The following LYN variants were observed in gnomAD, a reference collection of about 807,000 sequenced individuals.
The protein encoded by LYN is LYN proto-oncogene, Src family tyrosine kinase.
In LYN, 12 loss-of-function variants were observed where a neutral mutation model predicts 65.0. The ratio of observed to expected loss-of-function variants is 0.18; its 90% CI spans 0.12 to 0.30. The LOEUF (loss-of-function observed/expected upper bound fraction) is 0.30. LYN is among the 10% of genes least tolerant of loss of function. LYN has a pLI of 1.00. For missense variants in LYN, 380 were observed against 623.2 expected, an observed-to-expected ratio of 0.61 and a Z score of 4.16; for synonymous variants, 222 against 221.2, an observed-to-expected ratio of 1.00 and a Z score of -0.03.
chr8:55,942,462 CACAT>C (rs1262698409), intron 2 of LYN, among the ~76,000 whole-genome samples: 1 of 147,804 alleles, frequency 6.8e-6, no homozygotes, highest in African/African-American at 2.5e-5. Flanking sequence ...TATATATACA[CACAT>C]ACATACATAG....
In LYN at chr8:56,011,039, A is replaced by C. The variant is rs1585691641; in HGVS notation, c.*929A>C. 1 of 232,124 alleles carries C rather than the reference A, an allele frequency of 4.3e-6. No individual in the cohort carries two copies. The highest frequency in any genetic ancestry group is 1.8e-4 in the South Asian group (1 of 5,528). The allele number at this position is 232,124 out of a possible 1,614,324, so 14.4% of individuals were successfully genotyped here. On this transcript the variant is annotated 3_prime_UTR_variant, in exon 13 of 13. Transcript: ENST00000519728. Reference sequence around the variant, plus strand: ...ATAAGAGTTTCCTTTGTTGCTTCAAATATTTGAACATTATGTTAAAGATCA... The same window carrying C: ...ATAAGAGTTTCCTTTGTTGCTTCAACTATTTGAACATTATGTTAAAGATCA...
chr8:55,926,826 A>T (rs1482161964), intron 1 of LYN, among the ~76,000 whole-genome samples: 1 of 152,228 alleles, frequency 6.6e-6, no homozygotes, highest in African/African-American at 2.4e-5. Flanking sequence ...TATACTTTTA[A>T]AAAAATTAAT....
At chr8:55,920,739 T>A (rs1024447241) in intron 1 of LYN, among the ~76,000 whole-genome samples, 1 of 152,052 alleles carries the variant, frequency 6.6e-6, no homozygotes, top group African/African-American at 2.4e-5. Context: ...GGCATAAATC[T>A]TGGCTCACTG....
At chr8:55,999,152 A>C (rs1808451247) in intron 11 of LYN, among the ~76,000 whole-genome samples, 1 of 152,188 alleles carries the variant, frequency 6.6e-6, no homozygotes, top group Non-Finnish European at 1.5e-5. Flanking sequence ...ATATTTTTGC[A>C]GTGCTCACTG....
At chr8:55,887,004 C>T (rs1804815927) in intron 1 of LYN, among the ~76,000 whole-genome samples, 1 of 152,168 alleles carries the variant, frequency 6.6e-6, no homozygotes, top group African/African-American at 2.4e-5. Context: ...TTTTCATCCC[C>T]CCTTCCAACG....
chr8:55,965,520 A>G (rs1807426894), intron 8 of LYN, among the ~76,000 whole-genome samples: 1 of 152,236 alleles, frequency 6.6e-6, no homozygotes, highest in Non-Finnish European at 1.5e-5. Context: ...AGTAATTTTT[A>G]TAAAGAACAC....
At chr8:55,923,649 C>T (rs1274176239) in intron 1 of LYN, among the ~76,000 whole-genome samples, 1 of 152,102 alleles carries the variant, frequency 6.6e-6, no homozygotes, top group Non-Finnish European at 1.5e-5. Flanking sequence ...AAGCGATTCT[C>T]CTGCCTCGGC....
chr8:55,884,186 G>A (rs994372601), intron 1 of LYN, among the ~76,000 whole-genome samples: 19 of 152,118 alleles, frequency 1.2e-4, no homozygotes, highest in African/African-American at 3.1e-4. Context: ...GGCAATCTCC[G>A]CCTCCTGGGT....
intron 1 of LYN, among the ~76,000 whole-genome samples, chr8:55,919,375 G>A (rs1368659854): frequency 2.6e-5 from 4 of 152,030 alleles, no homozygotes; most frequent in Non-Finnish European, 5.9e-5. Context: ...AGAAGAATGA[G>A]GAACATAAAT....
intron 1 of LYN, among the ~76,000 whole-genome samples, chr8:55,911,613 T>C (rs1163756455): frequency 6.6e-6 from 1 of 151,964 alleles, no homozygotes; most frequent in Non-Finnish European, 1.5e-5. Context: ...TTTATACATA[T>C]GTGAAATTCC....
chr8:55,933,982 CT>C (rs1345282058), intron 1 of LYN, among the ~76,000 whole-genome samples: 1 of 152,172 alleles, frequency 6.6e-6, no homozygotes, highest in East Asian at 1.9e-4. Context: ...AATCCCAGCA[CT>C]TTGGGAGGCC....
At chr8:55,939,733 A>G (rs1339295225) in intron 1 of LYN, among the ~76,000 whole-genome samples, 2 of 152,132 alleles carry the variant, frequency 1.3e-5, no homozygotes, top group African/African-American at 4.8e-5. Flanking sequence ...GTAAAGCACG[A>G]TTTTAAGGGA....
At chr8:55,992,028 A>C (rs1808264555) in intron 10 of LYN, among the ~76,000 whole-genome samples, 1 of 152,192 alleles carries the variant, frequency 6.6e-6, no homozygotes, top group African/African-American at 2.4e-5. Flanking sequence ...TTTTTATTTC[A>C]GATTTCCAGT....
At chr8:55,888,469 A>G (rs1300004560) in intron 1 of LYN, among the ~76,000 whole-genome samples, 1 of 152,236 alleles carries the variant, frequency 6.6e-6, no homozygotes, top group African/African-American at 2.4e-5. Flanking sequence ...CTTCTTGCCT[A>G]CACTCTTTTA....
intron 1 of LYN, among the ~76,000 whole-genome samples, chr8:55,908,989 G>GTGTACA (rs1379592685): frequency 9.8e-5 from 2 of 20,396 alleles, no homozygotes; most frequent in Admixed American, 4.3e-4. Flanking sequence ...CATTGTGTAT[G>GTGTACA]TATATATATA....
chr8:55,972,720 AATT>A (rs906498952), intron 10 of LYN, among the ~76,000 whole-genome samples: 9 of 152,222 alleles, frequency 5.9e-5, no homozygotes, highest in Non-Finnish European at 1.2e-4. Flanking sequence ...ATGACAATAG[AATT>A]ATTATTAAAG....
In LYN at chr8:56,010,940, G is replaced by T. The variant is rs549037411; in HGVS notation, c.*830G>T. On this transcript the variant is annotated 3_prime_UTR_variant, in exon 13 of 13. Transcript: ENST00000519728. ...TCATTTCCACAATTTCCTATATCCA[G>T]ATTTGTTTTGACAATGTAGTTTGGA... is the stretch of plus-strand genomic sequence containing the variant. The T allele has an allele frequency of 8.6e-5, 20 of 231,648 alleles. No homozygotes were observed. Among genetic ancestry groups the T allele is most frequent in the Non-Finnish European group, 1.6e-4 (19 of 117,114 alleles). 14.3% of individuals were successfully genotyped at this position (231,648 alleles called of 1,614,324 possible).
Position 56,011,725 on chromosome 8 carries a change from A to AT in LYN, c.*1622dup, listed in dbSNP as rs959889419. 2 of 190,436 alleles carry AT rather than the reference A, an allele frequency of 1.1e-5. No individual in the cohort carries two copies. The highest frequency in any genetic ancestry group is 8.5e-5 in the East Asian group (1 of 11,820). The allele number at this position is 190,436 out of a possible 1,614,324, so 11.8% of individuals were successfully genotyped here. On this transcript the variant is annotated 3_prime_UTR_variant, in exon 13 of 13. Transcript: ENST00000519728. Reference sequence around the variant, plus strand: ...AAATTTTAACTTTGTTTCCTATGTGATTTTTTTAAATGTCCTTTCTAAAAT... The same window carrying AT: ...AAATTTTAACTTTGTTTCCTATGTGATTTTTTTTAAATGTCCTTTCTAAAAT...
At position 56,010,139 on chromosome 8, in the gene LYN, G is replaced by T; in HGVS notation, c.*29G>T. The T allele has an allele frequency of 6.2e-7, 1 of 1,607,404 alleles. No homozygotes were observed. The highest frequency in any genetic ancestry group is 1.1e-5 in the South Asian group (1 of 90,804). On this transcript the variant is annotated 3_prime_UTR_variant, in exon 13 of 13. Transcript: ENST00000519728. ...ACAGGGAGACCCGTCCATTTGGCAG[G>T]GGTGGCTGCCTCATTTAGAGAGGAA...
Sources: gnomAD v4.1 joint callset for allele counts (sites outside exome capture counted in the v4.1 genomes callset) on GRCh38, gnomAD v4.1.1 for gene constraint, MANE v1.5 for transcripts, NCBI Gene and HGNC (gene_info 2026-07-23, HGNC 2026-07-21) for gene names.